MRTFB: variants seen among roughly 807,000 people sequenced by gnomAD.
MRTFB encodes myocardin-related transcription factor B.
Under a neutral mutation model 104.2 loss-of-function variants are expected in MRTFB, and 29 were observed. The ratio of observed to expected loss-of-function variants is 0.28; its 90% CI spans 0.21 to 0.38. MRTFB has a LOEUF of 0.38. MRTFB is among the 10% of genes least tolerant of loss of function. The pLI is 1.00. For synonymous variants in MRTFB, 535 were observed against 519.5 expected (o/e 1.03, Z -0.41); for missense variants, 1,270 against 1,341.6 (o/e 0.95, Z 0.83).
At chr16:14,068,959 C>A (rs957477567), upstream of MRTFB, among the ~76,000 whole-genome samples, 1 of 145,962 alleles carries the variant, frequency 6.9e-6, no homozygotes, top group Non-Finnish European at 1.5e-5. Context: ...TCCAGATTCT[C>A]CAGCTTTTTT....
chr16:14,165,235 G>A (rs567370493), intron 3 of MRTFB, among the ~76,000 whole-genome samples: 1 of 152,084 alleles, frequency 6.6e-6, no homozygotes, highest in South Asian at 2.1e-4. Context: ...TAGAGCATGT[G>A]GTGCATGGAT....
chr16:14,110,153 C>A (rs1418092624), intron 2 of MRTFB, among the ~76,000 whole-genome samples: 1 of 152,192 alleles, frequency 6.6e-6, no homozygotes, highest in Admixed American at 6.5e-5. Flanking sequence ...GCTGGGCTCC[C>A]TATGAAGGGG....
chr16:14,216,407 CAA>C (rs1218490986), intron 6 of MRTFB, among the ~76,000 whole-genome samples: 11 of 152,072 alleles, frequency 7.2e-5, no homozygotes, highest in Non-Finnish European at 1.3e-4. Context: ...AAAACATTAA[CAA>C]GAGTTACCAG....
intron 3 of MRTFB, among the ~76,000 whole-genome samples, chr16:14,167,006 G>A (rs1013476961): frequency 6.6e-6 from 1 of 152,258 alleles, no homozygotes; most frequent in South Asian, 2.1e-4. Flanking sequence ...GATGATTTAT[G>A]TTCCTTTGGG....
At chr16:14,226,822 A>G (rs2042022603) in intron 8 of MRTFB, among the ~76,000 whole-genome samples, 1 of 151,902 alleles carries the variant, frequency 6.6e-6, no homozygotes, top group African/African-American at 2.4e-5. Context: ...AAAAAATAAA[A>G]ATTAAAAAAA....
At chr16:14,121,564 T>C (rs74009137) in intron 2 of MRTFB, among the ~76,000 whole-genome samples, 6 of 152,358 alleles carry the variant, frequency 3.9e-5, no homozygotes, top group African/African-American at 1.4e-4. Context: ...TAACCTCTTA[T>C]GCAAACTCTA....
chr16:14,095,035 G>A lies in MRTFB; in HGVS notation c.-64+15681G>A, dbSNP rs367766282. ...ATAGCACTGCTGGTTAGGGCACCCC[G>A]TAGGTCTAAAATAGTCTTCTTATCT... On this transcript the variant is annotated intron_variant, in intron 2 of 16. Transcript: ENST00000571589. Among the ~76,000 whole-genome samples, 10 of 152,284 alleles carry A rather than the reference G, an allele frequency of 6.6e-5. No individual in the cohort carries two copies. The South Asian group carries it at 2.1e-3, about 32-fold the overall frequency.
intron 2 of MRTFB, among the ~76,000 whole-genome samples, chr16:14,139,495 T>G (rs894810153): frequency 6.6e-6 from 1 of 152,190 alleles, no homozygotes; most frequent in Non-Finnish European, 1.5e-5. Context: ...GAAAACAGTT[T>G]GTCAGTTTCT....
At chr16:13,995,211 A>G in the MRTFB span, among the ~76,000 whole-genome samples, 3 of 152,070 alleles carry the variant, frequency 2.0e-5, no homozygotes, top group Non-Finnish European at 4.4e-5. Flanking sequence ...GAGAAGCAAA[A>G]TCCATTCCTT....
At chr16:14,176,246 CT>C (rs1340998745) in intron 3 of MRTFB, among the ~76,000 whole-genome samples, 1 of 152,126 alleles carries the variant, frequency 6.6e-6, no homozygotes, top group Non-Finnish European at 1.5e-5. Flanking sequence ...TAAAGAGAAG[CT>C]TGACCATGTA....
chr16:14,175,661 A>G (rs1206330996), intron 3 of MRTFB, among the ~76,000 whole-genome samples: 1 of 152,270 alleles, frequency 6.6e-6, no homozygotes, highest in Non-Finnish European at 1.5e-5. Context: ...ATTAATAGAC[A>G]AATGTTCATA....
At chr16:14,044,578 C>T in the MRTFB span, among the ~76,000 whole-genome samples, 1 of 152,178 alleles carries the variant, frequency 6.6e-6, no homozygotes, top group Non-Finnish European at 1.5e-5. Flanking sequence ...CAGTAGCACA[C>T]GCTCCCTTCA....
rs2039632219 is a variant in MRTFB, at chr16:14,177,747, C to T, written c.155-32496C>T. On this transcript the variant is annotated intron_variant, in intron 3 of 16. Coordinates refer to ENST00000571589, the MANE Select transcript of MRTFB (RefSeq NM_001308142.2). This position sits in a 1 kb window ranked among gnomAD's most constrained non-coding sequence, Gnocchi z 4.7. ...CTGAAGAGGGAAGATTGCTTCAGCC[C>T]AGGAGGTCGAGGCTGCAGCGAGTAA... Among the ~76,000 whole-genome samples the T allele has an allele frequency of 6.6e-6, 1 of 151,910 alleles. No homozygotes were observed. Among genetic ancestry groups the T allele is most frequent in the Admixed American group, 6.6e-5 (1 of 15,256 alleles).
chr16:14,126,618 A>G (rs546969667), intron 2 of MRTFB, among the ~76,000 whole-genome samples: 1 of 152,330 alleles, frequency 6.6e-6, no homozygotes, highest in South Asian at 2.1e-4. Flanking sequence ...CATTATTGAC[A>G]TTTACTGATT....
chr16:14,216,458 AT>A (rs1253228696), intron 6 of MRTFB, among the ~76,000 whole-genome samples: 1 of 152,218 alleles, frequency 6.6e-6, no homozygotes, highest in Non-Finnish European at 1.5e-5. Context: ...TGGATGAATT[AT>A]GGTATTTATA....
rs1464308161 is a variant in MRTFB at position 14,218,999 on chromosome 16, G to T, written c.693+1G>T. On this transcript the variant is annotated splice_donor_variant, in intron 8 of 16. Coordinates refer to ENST00000571589, the MANE Select transcript of MRTFB (RefSeq NM_001308142.2). LOFTEE classifies it high-confidence loss of function. The stretch of plus-strand genomic sequence containing the variant: ...TGTGACTACAAACACTCCAGCGCAG[G>T]TATTATCTTTCTGGTTTTGACCCCT... 1.3e-6 allele frequency: 2 copies of T among 1,598,328 alleles called. No individual in the cohort carries two copies. The highest frequency in any genetic ancestry group is 1.3e-5 in the African/African-American group (1 of 74,302).
At chr16:14,063,640 A>T in the MRTFB span, among the ~76,000 whole-genome samples, 2 of 152,160 alleles carry the variant, frequency 1.3e-5, no homozygotes, top group African/African-American at 4.8e-5. Context: ...TTCACTTAGG[A>T]CAATGGCATC....
At chr16:14,072,092 G>T (rs910799611) in intron 1 of MRTFB, among the ~76,000 whole-genome samples, 2 of 152,176 alleles carry the variant, frequency 1.3e-5, no homozygotes, top group Non-Finnish European at 2.9e-5. Flanking sequence ...GGAGCCCAGG[G>T]CTTGCCTTAG....
the MRTFB span, among the ~76,000 whole-genome samples, chr16:14,039,760 C>CTTTTTTTTTTTTTTTTTTT: frequency 8.2e-6 from 1 of 121,940 alleles, no homozygotes; most frequent in Non-Finnish European, 1.7e-5. Context: ...ATAATATGTT[C>CTTTTTTTTTTTTTTTTTTT]TTTTTTTTTT....
Sources: gnomAD v4.1 joint callset for allele counts (sites outside exome capture counted in the v4.1 genomes callset) on GRCh38, gnomAD v4.1.1 for gene constraint, Gnocchi (gnomAD v3.1) non-coding constraint, MANE v1.5 for transcripts, NCBI Gene and HGNC (gene_info 2026-07-23, HGNC 2026-07-21) for gene names.